Variants in ACSF3 observed in about 807,000 individuals in gnomAD.
ACSF3 encodes malonate--CoA ligase ACSF3, mitochondrial.
Under a neutral mutation model 53.2 loss-of-function variants are expected in ACSF3, and 78 were observed. The ratio of observed to expected loss-of-function variants is 1.47; its 90% CI spans 1.22 to 1.77. The LOEUF (loss-of-function observed/expected upper bound fraction) is 1.77. Among genes scored for constraint, ACSF3 ranks in the 40% most tolerant of loss-of-function variants. The probability of loss-of-function intolerance (pLI) is 0.00; values close to 1 mark genes in which losing one functional copy is unlikely to be tolerated. For synonymous variants in ACSF3, 414 were observed against 333.1 expected (o/e 1.24, Z -2.65); for missense variants, 937 against 771.1 (o/e 1.22, Z -2.55).
chr16:89,102,855 C>T (rs1402203461), intron 4 of ACSF3, 96 bp downstream of exon 4: 12 of 1,534,906 alleles, frequency 7.8e-6, no homozygotes, highest in South Asian at 7.0e-5. Context: ...GCCTAAGCGC[C>T]TTTCGCTGGT....
At chr16:89,112,628 T>G (rs1366541285) in intron 5 of ACSF3, among the ~76,000 whole-genome samples, 1 of 151,974 alleles carries the variant, frequency 6.6e-6, no homozygotes, top group Non-Finnish European at 1.5e-5. Flanking sequence ...CCATCGCTCT[T>G]CATCTGTCTC....
intron 8 of ACSF3, chr16:89,141,169 CTT>C: frequency 1.6e-6 from 2 of 1,287,224 alleles, no homozygotes; most frequent in Non-Finnish European, 2.0e-6. Flanking sequence ...TTGGCTGAGA[CTT>C]TGTTTAAACC....
rs1229237160 is a variant in ACSF3 at position 89,111,669 on chromosome 16, G to A, written c.823-423G>A. Among the ~76,000 whole-genome samples the A allele has an allele frequency of 3.9e-5, 6 of 152,236 alleles. No homozygotes were observed. The East Asian group carries it at 1.2e-3, about 29-fold the overall frequency. ...ATGGAGTAAAATATAAAATTCACAT[G>A]ACTCTTTTAAATAAAAGACTTCACC... On this transcript the variant is annotated intron_variant, in intron 4 of 10. Coordinates refer to ENST00000614302, the MANE Select transcript of ACSF3 (RefSeq NM_001243279.3).
chr16:89,141,021 T>C, intron 8 of ACSF3: 1 of 1,231,360 alleles, frequency 8.1e-7, no homozygotes, highest in Non-Finnish European at 1.1e-6. Flanking sequence ...AATAGGTTGT[T>C]ATGGAAAGTA....
intron 7 of ACSF3, among the ~76,000 whole-genome samples, chr16:89,127,481 C>T (rs1357320386): frequency 6.6e-6 from 1 of 152,146 alleles, no homozygotes; most frequent in Non-Finnish European, 1.5e-5. Context: ...CCTGCGTCAG[C>T]CTCCCAAGTA....
Position 89,140,631 on chromosome 16 carries a change from C to T in ACSF3, c.1367-4636C>T, listed in dbSNP as rs193117132. 5.6e-4 allele frequency among the ~76,000 whole-genome samples: 86 copies of T among 152,270 alleles called. 2 individuals are homozygous for T. Among genetic ancestry groups the T allele is most frequent in the South Asian group, 3.7e-3 (18 of 4,826 alleles). On this transcript the variant is annotated intron_variant, in intron 8 of 10. Transcript: ENST00000614302. ...GCTGGTGTCACTCCAGATCCAGGCT[C>T]GGGAACCACATCTGCACAGCAGAAC...
intron 1 of ACSF3, among the ~76,000 whole-genome samples, chr16:89,097,470 T>C (rs1029406081): frequency 6.6e-6 from 1 of 152,260 alleles, no homozygotes; most frequent in Non-Finnish European, 1.5e-5. Context: ...GCAGCGGAAG[T>C]CTGGCCTCGG....
chr16:89,103,934 T>C (rs753392573), intron 4 of ACSF3, among the ~76,000 whole-genome samples: 5 of 152,210 alleles, frequency 3.3e-5, no homozygotes, highest in African/African-American at 4.8e-5. Context: ...TCAGGGATGC[T>C]GCTTTGGAGG....
Position 89,154,115 on chromosome 16 carries a change from C to T in ACSF3, c.1639C>T (p.Pro547Ser), listed in dbSNP as rs1227920175. ...ARNVLAPYAV[P>S]SELVLVEEIP... Reference sequence around the variant, plus strand: ...AAATGTCCTGGCCCCGTACGCGGTGCCCTCGGAGCTGGTGCTGGTGGAGGA... The same window carrying T: ...AAATGTCCTGGCCCCGTACGCGGTGTCCTCGGAGCTGGTGCTGGTGGAGGA... The change falls in exon 11 of 11, where the codon CCC becomes TCC. Residue 547 changes from proline (P) to serine (S), a missense_variant. By Grantham distance (74) the Pro-to-Ser change is moderately conservative. Transcript: ENST00000614302. 2 of 1,613,036 alleles carry T rather than the reference C, an allele frequency of 1.2e-6. No homozygotes were observed. Among genetic ancestry groups the T allele is most frequent in the Admixed American group, 1.7e-5 (1 of 59,904 alleles).
In ACSF3 at chr16:89,101,155, G is replaced by T. The variant is rs757199694; in HGVS notation, c.474G>T (p.Pro158=). 1.9e-6 allele frequency: 3 copies of T among 1,613,520 alleles called. No homozygotes were observed. Among genetic ancestry groups the T allele is most frequent in the Admixed American group, 1.7e-5 (1 of 59,958 alleles). ...AGGAGTACCTGGAGCTCCTGAGCCC[G>T]GTGGTCAGGAAGCTGGGGGTCCCGC... ...ASQEYLELLS[P]VVRKLGVPLL... is the part of the protein sequence containing the mutation. The change falls in exon 3 of 11, where the codon CCG becomes CCT. Residue 158 remains proline, a synonymous_variant. Coordinates refer to ENST00000614302, the MANE Select transcript of ACSF3 (RefSeq NM_001243279.3).
intron 8 of ACSF3, among the ~76,000 whole-genome samples, chr16:89,144,827 A>G (rs558780390): frequency 1.6e-4 from 25 of 152,350 alleles, no homozygotes; most frequent in African/African-American, 6.0e-4. Context: ...AAGGCCACGC[A>G]TCCCACCCAT....
chr16:89,139,017 G>C (rs572014618), intron 8 of ACSF3, among the ~76,000 whole-genome samples: 1 of 152,298 alleles, frequency 6.6e-6, no homozygotes, highest in South Asian at 2.1e-4. Context: ...CGCCAGCACC[G>C]CCACCTCCAG....
chr16:89,099,142 C>T (rs1974960626), intron 2 of ACSF3, among the ~76,000 whole-genome samples: 2 of 152,268 alleles, frequency 1.3e-5, no homozygotes, highest in South Asian at 2.1e-4. Context: ...GCCACCCCTT[C>T]TTCTCGCTCT....
intron 7 of ACSF3, among the ~76,000 whole-genome samples, chr16:89,130,805 C>T (rs527598882): frequency 1.2e-4 from 19 of 152,204 alleles, no homozygotes; most frequent in African/African-American, 3.6e-4. Flanking sequence ...TTTTATCAAA[C>T]GACTTTGTGC....
chr16:89,105,979 A>T (rs562692409), intron 4 of ACSF3, among the ~76,000 whole-genome samples: 1 of 152,274 alleles, frequency 6.6e-6, no homozygotes, highest in South Asian at 2.1e-4. Flanking sequence ...GAATGACACC[A>T]CCTGGCCCTT....
intron 8 of ACSF3, among the ~76,000 whole-genome samples, chr16:89,135,294 G>A (rs1910201972): frequency 1.3e-5 from 2 of 152,256 alleles, no homozygotes; most frequent in Non-Finnish European, 2.9e-5. Flanking sequence ...TGCTGGAAGG[G>A]GCAATGTTGG....
intron 8 of ACSF3, among the ~76,000 whole-genome samples, chr16:89,136,262 G>A (rs555032058): frequency 1.8e-4 from 28 of 152,348 alleles, no homozygotes; most frequent in Middle Eastern, 3.4e-3. Flanking sequence ...TGTTTCAGCC[G>A]GGGCGGAATC....
At chr16:89,098,032 C>A (rs1311593689) in intron 1 of ACSF3, among the ~76,000 whole-genome samples, 1 of 152,002 alleles carries the variant, frequency 6.6e-6, no homozygotes, top group African/African-American at 2.4e-5. Flanking sequence ...CGAGATCGTG[C>A]CACTGCACTC....
chr16:89,124,627 CCTGTGCACATACCATGTGTATGTGATAA>C (rs1907579989), intron 7 of ACSF3, among the ~76,000 whole-genome samples: 1 of 151,796 alleles, frequency 6.6e-6, no homozygotes, highest in Admixed American at 6.6e-5. Context: ...GTGTGTGATA[CCTGTGCACATACCATGTGTATGTGATAA>C]CTGTGCACGC....
Sources: gnomAD v4.1 joint callset for allele counts (sites outside exome capture counted in the v4.1 genomes callset) on GRCh38, gnomAD v4.1.1 for gene constraint, MANE v1.5 for transcripts, NCBI Gene and HGNC (gene_info 2026-07-23, HGNC 2026-07-21) for gene names.